The following RNF212B variants were observed in gnomAD, a reference collection of about 807,000 sequenced individuals.
RNF212B encodes ring finger protein 212B.
In RNF212B, 52 loss-of-function variants were observed where a neutral mutation model predicts 55.5. The ratio of observed to expected loss-of-function variants is 0.94; its 90% CI spans 0.75 to 1.18. The LOEUF is 1.18. Ranked by LOEUF, RNF212B falls within the 50% of genes most tolerant of loss-of-function variation. The probability of loss-of-function intolerance (pLI) is 0.00; values close to 1 mark genes in which losing one functional copy is unlikely to be tolerated. For missense variants in RNF212B, 289 were observed against 350.4 expected (o/e 0.82, Z 1.40); for synonymous variants, 99 against 121.4 (o/e 0.82, Z 1.21).
upstream of RNF212B, among the ~76,000 whole-genome samples, chr14:23,233,361 C>A (rs545545658): frequency 6.6e-6 from 1 of 151,282 alleles, no homozygotes; most frequent in South Asian, 2.1e-4. Flanking sequence ...TCCTATGACC[C>A]TGCCAAATGC....
intron 2 of RNF212B, among the ~76,000 whole-genome samples, chr14:23,241,070 G>C (rs1480677751): frequency 2.0e-5 from 3 of 152,050 alleles, no homozygotes; most frequent in African/African-American, 7.3e-5. Flanking sequence ...TACTTACAAG[G>C]TGTGTAAATC....
intron 2 of RNF212B, among the ~76,000 whole-genome samples, chr14:23,222,135 G>T (rs1881627199): frequency 6.6e-6 from 1 of 151,774 alleles, no homozygotes; most frequent in Admixed American, 6.6e-5. Context: ...CAAAAATATG[G>T]ATCAGAGCAG....
In RNF212B at chr14:23,196,308, A is replaced by G. The variant is rs184008610; in HGVS notation, c.-2+2907A>G. ...TTTCTCCAGCCTGCCCCGCTCCGCC[A>G]TTATCATGCCAAAATGCATGGCCCA... On this transcript the variant is annotated intron_variant, in intron 2 of 15. Transcript: ENST00000399910. Among the ~76,000 whole-genome samples, 103 of 152,230 alleles carry G rather than the reference A, an allele frequency of 6.8e-4. 1 individual carries two copies. In the East Asian group the frequency reaches 0.017, roughly 25 times the overall value.
Position 23,272,814 on chromosome 14 carries a change from C to T in RNF212B, c.835-9C>T, listed in dbSNP as rs1048886837. 1 of 1,544,876 alleles carries T rather than the reference C, an allele frequency of 6.5e-7. No individual in the cohort carries two copies. The highest frequency in any genetic ancestry group is 1.4e-5 in the African/African-American group (1 of 72,952). On this transcript the variant is annotated splice_polypyrimidine_tract_variant and intron_variant, in intron 14 of 14. Transcript: ENST00000430154. ...ACACCCACATCTACCTTCTTGTCCT[C>T]TGCTGCAGACTCTCTACCAACAACG...
chr14:23,201,847 A>G lies in RNF212B; in HGVS notation c.-2+8446A>G, dbSNP rs150442235. Among the ~76,000 whole-genome samples, 574 of 152,316 alleles carry G rather than the reference A, an allele frequency of 3.8e-3. 3 individuals carry two copies. Among genetic ancestry groups the G allele is most frequent in the African/African-American group, 0.013 (541 of 41,570 alleles). ...AACCTGAAGCCCTAATAAAAACAGC[A>G]TGGAGCCAATTCCACTTGCTTTTCC... On this transcript the variant is annotated intron_variant, in intron 2 of 15. Coordinates refer to the RNF212B transcript ENST00000399910.
intron 1 of RNF212B, among the ~76,000 whole-genome samples, chr14:23,190,451 A>G (rs1337687797): frequency 6.6e-6 from 1 of 152,192 alleles, no homozygotes; most frequent in Admixed American, 6.5e-5. Flanking sequence ...AGGCCAAAAT[A>G]TCTTGGAGTC....
In RNF212B at chr14:23,262,666, T is replaced by A. The variant is rs1197760751; in HGVS notation, c.436T>A (p.Ser146Thr). Residue 146 changes from serine to threonine, a missense_variant and splice_region_variant, in exon 8 of 15, where the codon TCA becomes ACA. By Grantham distance (58) the Ser-to-Thr change is moderately conservative. Coordinates refer to ENST00000430154, the MANE Select transcript of RNF212B (RefSeq NM_001282322.3). The stretch of plus-strand genomic sequence containing the variant: ...CGCCTCTTTTTTTTTCCCTTGCAGG[T>A]CAATCACACCTCGACCAGTGGGCAT... ...ESPSRYQGSR[S>T]ITPRPVGITS... The A allele has an allele frequency of 1.9e-6, 3 of 1,549,966 alleles. No individual in the cohort carries two copies.
chr14:23,260,620 A>G, intron 6 of RNF212B, 39 bp from the exon 7 acceptor site: 1 of 1,543,146 alleles, frequency 6.5e-7, no homozygotes, highest in Non-Finnish European at 8.8e-7. Context: ...TAGGATCCTC[A>G]GTTGCAGCTT....
chr14:23,194,431 T>G (rs559654010), intron 2 of RNF212B, among the ~76,000 whole-genome samples: 2 of 152,156 alleles, frequency 1.3e-5, no homozygotes, highest in African/African-American at 4.8e-5. Context: ...AATTTTAATG[T>G]ACCTCTATTA....
At chr14:23,220,621 C>A (rs749399314) in intron 2 of RNF212B, among the ~76,000 whole-genome samples, 2 of 151,742 alleles carry the variant, frequency 1.3e-5, no homozygotes, top group Non-Finnish European at 2.9e-5. Flanking sequence ...GTCAGGAGAT[C>A]GAGATCACCC....
chr14:23,260,410 G>A (rs918036448), intron 6 of RNF212B, among the ~76,000 whole-genome samples: 2 of 152,094 alleles, frequency 1.3e-5, no homozygotes, highest in Admixed American at 1.3e-4. Context: ...TCTCACCAGA[G>A]ACTCCGTATT....
intron 4 of RNF212B, among the ~76,000 whole-genome samples, chr14:23,253,887 G>T (rs1884594805): frequency 6.6e-6 from 1 of 152,170 alleles, no homozygotes; most frequent in Admixed American, 6.5e-5. Flanking sequence ...TATCTTTAAA[G>T]TGAATTTCTA....
intron 2 of RNF212B, among the ~76,000 whole-genome samples, chr14:23,226,404 G>A (rs978510654): frequency 2.6e-5 from 4 of 151,320 alleles, no homozygotes; most frequent in Non-Finnish European, 5.9e-5. Context: ...GCTGTGGCGG[G>A]CGGATCACCA....
upstream of RNF212B, among the ~76,000 whole-genome samples, chr14:23,234,557 A>G (rs1235246403): frequency 2.0e-5 from 3 of 152,222 alleles, no homozygotes; most frequent in Non-Finnish European, 1.5e-5. Context: ...TCCCAATTCT[A>G]TGTATATAAA....
intron 2 of RNF212B, among the ~76,000 whole-genome samples, chr14:23,225,549 C>T (rs764962656): frequency 6.6e-6 from 1 of 151,938 alleles, no homozygotes; most frequent in African/African-American, 2.4e-5. Flanking sequence ...GTGAAAAAAG[C>T]CAGGCACAGA....
chr14:23,219,305 G>C (rs1168051986), intron 2 of RNF212B, among the ~76,000 whole-genome samples: 1 of 152,094 alleles, frequency 6.6e-6, no homozygotes, highest in Non-Finnish European at 1.5e-5. Flanking sequence ...ACACTGTAAT[G>C]GTGGTTTCTA....
At chr14:23,253,209 A>T (rs1048973283) in intron 4 of RNF212B, among the ~76,000 whole-genome samples, 1 of 152,216 alleles carries the variant, frequency 6.6e-6, no homozygotes, top group Admixed American at 6.5e-5. Flanking sequence ...TAACAATTCC[A>T]TAATATTATC....
In RNF212B at chr14:23,226,983, C is replaced by T. The variant is rs187001587; in HGVS notation, c.-1-13362C>T. Among the ~76,000 whole-genome samples the T allele has an allele frequency of 3.0e-3, 450 of 152,002 alleles. 4 individuals carry two copies. Among genetic ancestry groups the T allele is most frequent in the African/African-American group, 0.01 (432 of 41,476 alleles). On this transcript the variant is annotated intron_variant, in intron 2 of 15. Coordinates refer to the RNF212B transcript ENST00000399910. ...TGATTGTGGTGGTGGCCTCACAAATCTTTACATGTGATAAAATTGTGAACA... is the reference window on the plus strand; with the variant it reads ...TGATTGTGGTGGTGGCCTCACAAATTTTTACATGTGATAAAATTGTGAACA...
intron 1 of RNF212B, among the ~76,000 whole-genome samples, chr14:23,186,021 G>A (rs1316081312): frequency 6.6e-6 from 1 of 152,114 alleles, no homozygotes; most frequent in African/African-American, 2.4e-5. Context: ...GATCGTGTGA[G>A]CCATGGAGGT....
Sources: gnomAD v4.1 joint callset for allele counts (sites outside exome capture counted in the v4.1 genomes callset) on GRCh38, gnomAD v4.1.1 for gene constraint, MANE v1.5 for transcripts, NCBI Gene and HGNC (gene_info 2026-07-23, HGNC 2026-07-21) for gene names.